The following NXPE2 variants were observed in gnomAD, a reference collection of about 807,000 sequenced individuals.
NXPE2 encodes NXPE family member 2.
A neutral mutation model predicts 34.4 loss-of-function variants in NXPE2; 34 were observed. The ratio of observed to expected loss-of-function variants is 0.99; its 90% CI spans 0.75 to 1.31. The LOEUF is 1.31. NXPE2 is among the 40% of genes most tolerant of loss of function. The pLI is 0.00. For missense variants in NXPE2, 649 were observed against 672.5 expected (o/e 0.97, Z 0.39); for synonymous variants, 235 against 231.3 (o/e 1.02, Z -0.15).
chr11:114,689,505 A>G (rs1951110956), intron 2 of NXPE2, among the ~76,000 whole-genome samples: 1 of 152,228 alleles, frequency 6.6e-6, no homozygotes, highest in South Asian at 2.1e-4. Flanking sequence ...ATAACCAAGC[A>G]TGGGGTCAAT....
the NXPE2 span, among the ~76,000 whole-genome samples, chr11:114,535,045 C>T: frequency 1.2e-3 from 188 of 152,284 alleles, no homozygotes; most frequent in African/African-American, 4.3e-3. Context: ...GGTCGGGTTA[C>T]CCACAAAGGG....
At chr11:114,731,407 A>T in the NXPE2 span, among the ~76,000 whole-genome samples, 1 of 152,354 alleles carries the variant, frequency 6.6e-6, no homozygotes, top group South Asian at 2.1e-4. Context: ...TTATGTTTAT[A>T]CAAACACCTG....
At chr11:114,686,016 C>T (rs746005761) in intron 2 of NXPE2, among the ~76,000 whole-genome samples, 2 of 151,984 alleles carry the variant, frequency 1.3e-5, no homozygotes, top group Non-Finnish European at 2.9e-5. Flanking sequence ...TTTCAATATG[C>T]TGGTTGCAAT....
chr11:114,649,294 G>A, the NXPE2 span, among the ~76,000 whole-genome samples: 1 of 152,116 alleles, frequency 6.6e-6, no homozygotes, highest in African/African-American at 2.4e-5. Flanking sequence ...CATGTTCTTA[G>A]AAGCATTATT....
the NXPE2 span, among the ~76,000 whole-genome samples, chr11:114,539,697 G>A: frequency 6.6e-6 from 1 of 151,654 alleles, no homozygotes; most frequent in Non-Finnish European, 1.5e-5. Flanking sequence ...TTATAAAGAG[G>A]AACTATTTAA....
At chr11:114,756,881 T>C in the NXPE2 span, among the ~76,000 whole-genome samples, 1 of 152,222 alleles carries the variant, frequency 6.6e-6, no homozygotes, top group African/African-American at 2.4e-5. Flanking sequence ...GACATGAGGC[T>C]GAGGTCTTGG....
At chr11:114,710,086 A>G (rs1391553128), downstream of NXPE2, among the ~76,000 whole-genome samples, 1 of 152,160 alleles carries the variant, frequency 6.6e-6, no homozygotes, top group Non-Finnish European at 1.5e-5. Context: ...AACTTATGGG[A>G]TGCAGTAAAA....
the NXPE2 span, among the ~76,000 whole-genome samples, chr11:114,749,386 A>C: frequency 6.6e-6 from 1 of 152,172 alleles, no homozygotes; most frequent in African/African-American, 2.4e-5. Context: ...CCCATCACAC[A>C]TACCAAAATC....
the NXPE2 span, among the ~76,000 whole-genome samples, chr11:114,600,961 G>A: frequency 6.6e-6 from 1 of 151,848 alleles, no homozygotes; most frequent in African/African-American, 2.4e-5. Context: ...TCCACATATC[G>A]TATACCAAAT....
the NXPE2 span, among the ~76,000 whole-genome samples, chr11:114,489,611 T>G: frequency 3.3e-5 from 5 of 152,162 alleles, no homozygotes; most frequent in African/African-American, 1.2e-4. Flanking sequence ...AAAAACCACA[T>G]GATTGTCTCA....
the NXPE2 span, among the ~76,000 whole-genome samples, chr11:114,627,557 GC>G: frequency 2.7e-5 from 4 of 150,842 alleles, no homozygotes; most frequent in Non-Finnish European, 5.9e-5. Context: ...ACCAGCCACT[GC>G]AAAATCATGC....
the NXPE2 span, among the ~76,000 whole-genome samples, chr11:114,559,031 A>G: frequency 1.3e-5 from 2 of 152,248 alleles, no homozygotes; most frequent in African/African-American, 2.4e-5. Flanking sequence ...TTTACCTGTA[A>G]TATGAAGAGC....
chr11:114,513,807 A>G, the NXPE2 span, among the ~76,000 whole-genome samples: 1 of 152,234 alleles, frequency 6.6e-6, no homozygotes, highest in African/African-American at 2.4e-5. Flanking sequence ...CTGAGTCTTA[A>G]CAGAATGAAA....
the NXPE2 span, chr11:114,522,033 T>C: frequency 4.8e-5 from 78 of 1,613,880 alleles, no homozygotes; most frequent in Non-Finnish European, 5.1e-6. Flanking sequence ...GGGTGGATAG[T>C]GTCAGTGCCA....
the NXPE2 span, among the ~76,000 whole-genome samples, chr11:114,630,192 C>G: frequency 6.6e-6 from 1 of 151,600 alleles, no homozygotes; most frequent in African/African-American, 2.4e-5. Context: ...CATATGGAAC[C>G]AAAAAAGAGC....
chr11:114,522,314 G>A, the NXPE2 span: 5 of 1,614,050 alleles, frequency 3.1e-6, no homozygotes, highest in Non-Finnish European at 3.4e-6. Flanking sequence ...GATGACGATG[G>A]CTGTGTTTTT....
At chr11:114,506,465 C>T in the NXPE2 span, among the ~76,000 whole-genome samples, 3 of 151,946 alleles carry the variant, frequency 2.0e-5, no homozygotes, top group East Asian at 1.9e-4. Flanking sequence ...ACTTTTAAAT[C>T]GATCACATAA....
the NXPE2 span, among the ~76,000 whole-genome samples, chr11:114,548,708 G>C: frequency 6.6e-6 from 1 of 151,684 alleles, no homozygotes; most frequent in East Asian, 1.9e-4. Context: ...TAAATGAGGA[G>C]ATAAAACTAA....
chr11:114,812,651 C>G, the NXPE2 span, among the ~76,000 whole-genome samples: 4 of 152,092 alleles, frequency 2.6e-5, no homozygotes, highest in African/African-American at 9.7e-5. Flanking sequence ...TTTTGGTACC[C>G]TTGAGAGAAT....
Sources: gnomAD v4.1 joint callset for allele counts (sites outside exome capture counted in the v4.1 genomes callset) on GRCh38, gnomAD v4.1.1 for gene constraint, MANE v1.5 for transcripts, NCBI Gene and HGNC (gene_info 2026-07-23, HGNC 2026-07-21) for gene names.